Variants in DOCK5 observed in about 807,000 individuals in gnomAD.
The protein encoded by DOCK5 is dedicator of cytokinesis 5.
Under a neutral mutation model 251.8 loss-of-function variants are expected in DOCK5, and 142 were observed. That is an observed-to-expected ratio of 0.56 (90% CI 0.49 to 0.65). The LOEUF (loss-of-function observed/expected upper bound fraction) is 0.65. DOCK5 is among the 30% of genes least tolerant of loss of function. DOCK5 has a pLI of 0.00. For synonymous variants in DOCK5, 842 were observed against 835.5 expected (o/e 1.01, Z -0.13); for missense variants, 2,111 against 2,312.3 (o/e 0.91, Z 1.79).
chr8:25,409,976 T>C (rs1801591138), intron 50 of DOCK5, 123 bp from the exon 51 acceptor site: 8 of 741,936 alleles, frequency 1.1e-5, no homozygotes, highest in East Asian at 2.7e-5. Flanking sequence ...GCAGAAACCA[T>C]AGAATGTGGC....
intron 37 of DOCK5, chr8:25,375,924 C>A (rs1800954771): frequency 2.1e-5 from 16 of 763,800 alleles, no homozygotes; most frequent in Non-Finnish European, 2.5e-5. Context: ...ATGGTGAAAC[C>A]CCATCTCTAC....
At position 25,278,599 on chromosome 8, in the gene DOCK5, C is replaced by T; in HGVS notation, c.255C>T (p.Leu85=). 6.2e-7 allele frequency: 1 copy of T among 1,613,906 alleles called. No individual in the cohort carries two copies. The highest frequency in any genetic ancestry group is 8.5e-7 in the Non-Finnish European group (1 of 1,179,860). ...ATGAAACCGTGATTCCTGGCGAGCT[C>T]CCCCTGGTGCAGGAGCTCACGTCCA... ...GQHETVIPGE[L]PLVQELTSTL... The change falls in exon 5 of 52, where the codon CTC becomes CTT. Residue 85 remains leucine (L), a synonymous_variant. Coordinates refer to ENST00000276440, the MANE Select transcript of DOCK5 (RefSeq NM_024940.8).
At chr8:25,367,341 C>G (rs770041117) in intron 31 of DOCK5, among the ~76,000 whole-genome samples, 7 of 152,188 alleles carry the variant, frequency 4.6e-5, no homozygotes, top group Non-Finnish European at 7.3e-5. Flanking sequence ...CACAGTTGCT[C>G]CACCTCCCTG....
chr8:25,253,336 T>C (rs898173970), intron 2 of DOCK5, among the ~76,000 whole-genome samples: 1 of 151,796 alleles, frequency 6.6e-6, no homozygotes, highest in African/African-American at 2.4e-5. Context: ...GGAGGAATAT[T>C]CCCAGGAGCT....
chr8:25,279,660 C>T (rs1804137796), intron 5 of DOCK5, among the ~76,000 whole-genome samples: 1 of 152,112 alleles, frequency 6.6e-6, no homozygotes, highest in African/African-American at 2.4e-5. Flanking sequence ...CTCTGTCACT[C>T]AGGCTGGAGT....
chr8:25,223,219 T>A (rs1341136191), intron 1 of DOCK5, among the ~76,000 whole-genome samples: 1 of 152,238 alleles, frequency 6.6e-6, no homozygotes, highest in Admixed American at 6.5e-5. Context: ...TTGCCCAGGC[T>A]GGTCTTGAAC....
chr8:25,286,713 G>A (rs1258311272), intron 5 of DOCK5, among the ~76,000 whole-genome samples: 1 of 151,946 alleles, frequency 6.6e-6, no homozygotes. Flanking sequence ...ACCCAGGCAG[G>A]AGGGCAGTGG....
intron 2 of DOCK5, among the ~76,000 whole-genome samples, chr8:25,265,994 A>G (rs965208394): frequency 6.6e-6 from 1 of 151,988 alleles, no homozygotes; most frequent in Non-Finnish European, 1.5e-5. Flanking sequence ...AACCCTCAGC[A>G]TAGAATACGT....
At chr8:25,217,499 C>T (rs1214005842) in intron 1 of DOCK5, among the ~76,000 whole-genome samples, 2 of 152,142 alleles carry the variant, frequency 1.3e-5, no homozygotes, top group African/African-American at 4.8e-5. Flanking sequence ...TGAGATTCTT[C>T]TTTCTGTGCC....
At chr8:25,265,462 G>C (rs1803717997) in intron 2 of DOCK5, among the ~76,000 whole-genome samples, 1 of 151,914 alleles carries the variant, frequency 6.6e-6, no homozygotes, top group Non-Finnish European at 1.5e-5. Flanking sequence ...GCCCAGATCT[G>C]TTAATGGCTC....
intron 2 of DOCK5, among the ~76,000 whole-genome samples, chr8:25,248,171 A>T (rs567157402): frequency 1.3e-5 from 2 of 152,154 alleles, no homozygotes; most frequent in Non-Finnish European, 2.9e-5. Flanking sequence ...ATTTTCTGGG[A>T]TTAATTTTTA....
chr8:25,403,443 C>A, intron 47 of DOCK5, 115 bp from the exon 48 acceptor site: 1 of 1,083,400 alleles, frequency 9.2e-7, no homozygotes, highest in Non-Finnish European at 1.3e-6. Context: ...GGGGTGCCAG[C>A]CACATAACCA....
chr8:25,220,171 GTTCCTTTCCT>G (rs536689786), intron 1 of DOCK5, among the ~76,000 whole-genome samples: 4 of 150,948 alleles, frequency 2.6e-5, no homozygotes, highest in Non-Finnish European at 4.4e-5. Context: ...GTTTCGTTTC[GTTCCTTTCCT>G]TTCCTTTCCT....
chr8:25,390,419 C>A, intron 42 of DOCK5, 132 bp downstream of exon 42: 1 of 724,146 alleles, frequency 1.4e-6, no homozygotes, highest in Non-Finnish European at 2.2e-6. Flanking sequence ...CCAGCCTGGG[C>A]AACAAAGTGG....
intron 2 of DOCK5, among the ~76,000 whole-genome samples, chr8:25,262,124 A>G (rs752636018): frequency 6.6e-6 from 1 of 152,196 alleles, no homozygotes; most frequent in African/African-American, 2.4e-5. Flanking sequence ...GGATGTGGCC[A>G]GGTCATAGGA....
intron 10 of DOCK5, among the ~76,000 whole-genome samples, 195 bp downstream of exon 10, chr8:25,302,649 G>A (rs1355558800): frequency 6.6e-6 from 1 of 152,200 alleles, no homozygotes; most frequent in East Asian, 1.9e-4. Flanking sequence ...GGCAAAAGAT[G>A]GAAGTAACCT....
At position 25,400,989 on chromosome 8, in the gene DOCK5, C is replaced by T; in HGVS notation, c.4849C>T (p.Pro1617Ser). ...GGAGAAACTCACAGAGCAGCTGAAG[C>T]CGCTGCATGAGCGGTTGTCTTCTTG... is the stretch of plus-strand genomic sequence containing the variant. Reference protein sequence around the residue: ...HGEKLTEQLKPLHERLSSCFR... With the variant: ...HGEKLTEQLKSLHERLSSCFR... The change falls in exon 47 of 52, where the codon CCG (proline) becomes TCG (serine). Residue 1617 changes from proline (P) to serine (S), a missense_variant. By Grantham distance (74) the Pro-to-Ser change is moderately conservative. Around this residue, in one of 3 missense-constraint regions of DOCK5, gnomAD observed 1,717 missense variants for 1,892.4 expected, o/e 0.91. Transcript: ENST00000276440. The T allele has an allele frequency of 2.5e-6, 4 of 1,614,032 alleles. No individual in the cohort carries two copies. Among genetic ancestry groups the T allele is most frequent in the Non-Finnish European group, 3.4e-6 (4 of 1,179,896 alleles).
At chr8:25,191,204 A>T (rs1268976521) in intron 1 of DOCK5, among the ~76,000 whole-genome samples, 1 of 152,106 alleles carries the variant, frequency 6.6e-6, no homozygotes, top group South Asian at 2.1e-4. Context: ...TTTTTGCAAT[A>T]ATGCTAAGCC....
chr8:25,269,008 G>A lies in DOCK5; in HGVS notation c.168+123G>A. On this transcript the variant is annotated intron_variant, in intron 3 of 51. Coordinates refer to ENST00000276440, the MANE Select transcript of DOCK5 (RefSeq NM_024940.8). ...GACCTAGTTTGCTTTCTCTTTGATG[G>A]CTCTTCTTTGGATTTGAAAGCAAAT... is the stretch of plus-strand genomic sequence containing the variant. The A allele has an allele frequency of 2.5e-6, 2 of 796,612 alleles. 1 individual carries two copies. The highest frequency in any genetic ancestry group is 3.4e-5 in the South Asian group (2 of 58,970). 49.3% of individuals were successfully genotyped at this position (796,612 alleles called of 1,614,324 possible).
Sources: allele counts gnomAD v4.1 joint callset (sites outside exome capture counted in the v4.1 genomes callset), GRCh38; gene constraint gnomAD v4.1.1; regional missense constraint gnomAD v4.1.1; transcripts MANE v1.5; gene names NCBI Gene and HGNC (gene_info 2026-07-23, HGNC 2026-07-21).